The following PHF2 variants were observed in gnomAD, a reference collection of about 807,000 sequenced individuals.
PHF2 encodes PHD finger protein 2.
In PHF2, 27 loss-of-function variants were observed where a neutral mutation model predicts 120.5. The observed-to-expected ratio is 0.22, with a 90% CI of 0.17 to 0.31. The LOEUF is 0.31. Among genes scored for constraint, PHF2 ranks in the 10% least tolerant of loss-of-function variants. The pLI, the probability that PHF2 is intolerant of heterozygous loss-of-function variation, is 1.00. For synonymous variants in PHF2, 568 were observed against 592.5 expected, an observed-to-expected ratio of 0.96 and a Z score of 0.60; for missense variants, 1,024 against 1,434.8, an observed-to-expected ratio of 0.71 and a Z score of 4.63.
chr9:93,622,842 C>G (rs79329731), intron 1 of PHF2, among the ~76,000 whole-genome samples: 1 of 152,072 alleles, frequency 6.6e-6, no homozygotes, highest in Non-Finnish European at 1.5e-5. Context: ...AACTGAGCCC[C>G]GAGTCTGTCT....
rs562937390 is a variant in PHF2, at chr9:93,656,761, T to C, written c.1147+166T>C. On this transcript the variant is annotated intron_variant, in intron 9 of 21. Coordinates refer to ENST00000359246, the MANE Select transcript of PHF2 (RefSeq NM_005392.4). The surrounding 1 kb of genome is among the most constrained non-coding windows in gnomAD (Gnocchi z 4.1). ...GGGCTCAGTTTCCCCATCTGTATAA[T>C]GCAGGACTAGATTGAACAGGCTGGG... is the stretch of plus-strand genomic sequence containing the variant. 3.1e-4 allele frequency among the ~76,000 whole-genome samples: 47 copies of C among 152,222 alleles called. No individual in the cohort carries two copies. The highest frequency in any genetic ancestry group is 5.3e-4 in the Non-Finnish European group (36 of 68,012).
At chr9:93,661,268 A>G (rs1035018649) in intron 12 of PHF2, among the ~76,000 whole-genome samples, 2 of 152,134 alleles carry the variant, frequency 1.3e-5, no homozygotes, top group Admixed American at 6.5e-5. Flanking sequence ...GGAGGTCGTT[A>G]TCTGCTTCCT....
chr9:93,588,602 A>G (rs1357919968), intron 1 of PHF2, among the ~76,000 whole-genome samples: 1 of 152,062 alleles, frequency 6.6e-6, no homozygotes, highest in Non-Finnish European at 1.5e-5. Flanking sequence ...CCAGAAAAAC[A>G]CTTTATGGGC....
chr9:93,595,422 G>A (rs1825313518), intron 1 of PHF2, among the ~76,000 whole-genome samples: 1 of 152,228 alleles, frequency 6.6e-6, no homozygotes, highest in Non-Finnish European at 1.5e-5. Context: ...GCCGCTTTCA[G>A]TTGAATCTAC....
chr9:93,623,896 GA>G (rs1382075552), intron 1 of PHF2, among the ~76,000 whole-genome samples: 3 of 152,246 alleles, frequency 2.0e-5, no homozygotes, highest in African/African-American at 7.2e-5. Flanking sequence ...TAGGGCCCAA[GA>G]CCCTGGTGGC....
chr9:93,656,463 G>A lies in PHF2; in HGVS notation c.1041-26G>A. ...TCGCCTGCTTGATGGTCAGTGCACT[G>A]AGAACTGCTCTTTGGTGGCTTCTAG... is the stretch of plus-strand genomic sequence containing the variant. On this transcript the variant is annotated intron_variant, in intron 8 of 21. Coordinates refer to ENST00000359246, the MANE Select transcript of PHF2 (RefSeq NM_005392.4). The surrounding 1 kb of genome is among the most constrained non-coding windows in gnomAD (Gnocchi z 4.1). 1 of 1,535,082 alleles carries A rather than the reference G, an allele frequency of 6.5e-7. No individual in the cohort carries two copies. The highest frequency in any genetic ancestry group is 9.0e-7 in the Non-Finnish European group (1 of 1,108,656).
chr9:93,618,861 G>GTGT (rs1825774575), intron 1 of PHF2, among the ~76,000 whole-genome samples: 3 of 135,162 alleles, frequency 2.2e-5, no homozygotes, highest in East Asian at 2.5e-4. Context: ...TGTGTGTGGT[G>GTGT]TTCGTGTGTC....
At chr9:93,611,720 GC>G (rs1003800908) in intron 1 of PHF2, among the ~76,000 whole-genome samples, 1 of 151,934 alleles carries the variant, frequency 6.6e-6, no homozygotes, top group African/African-American at 2.4e-5. Flanking sequence ...TTGCAATGTT[GC>G]CCATGCTGGT....
chr9:93,669,310 C>G (rs987744034), intron 17 of PHF2, among the ~76,000 whole-genome samples: 5 of 152,370 alleles, frequency 3.3e-5, no homozygotes, highest in African/African-American at 1.2e-4. Flanking sequence ...GCTGCGTGCT[C>G]TGGCTGGCTC....
rs1336519699 is a variant in PHF2, at chr9:93,645,783, T to C, written c.454T>C (p.Tyr152His). The C allele has an allele frequency of 6.3e-7, 1 of 1,591,822 alleles. No homozygotes were observed. The highest frequency in any genetic ancestry group is 8.6e-7 in the Non-Finnish European group (1 of 1,168,142). The change falls in exon 4 of 22, where the codon TAC becomes CAC. Residue 152 changes from tyrosine (Y) to histidine (H), a missense_variant. Around this residue, in one of 2 missense-constraint regions of PHF2, gnomAD observed 347 missense variants for 577.4 expected, o/e 0.60. Transcript: ENST00000359246. ...PTFYVSDVEN[Y>H]VGPERSVDVT... ...GTTCTATGTCAGTGACGTCGAGAAC[T>C]ACGTGGGTAAGCGCCATCCCCTTCA...
chr9:93,638,637 C>T (rs1826128809), intron 3 of PHF2, among the ~76,000 whole-genome samples: 1 of 152,256 alleles, frequency 6.6e-6, no homozygotes. Flanking sequence ...TATATCTCTG[C>T]TTATGCCAGT....
At chr9:93,624,460 A>C (rs1554794431) in intron 1 of PHF2, among the ~76,000 whole-genome samples, 2 of 145,328 alleles carry the variant, frequency 1.4e-5, no homozygotes, top group Non-Finnish European at 3.0e-5. Flanking sequence ...ATAGTGGTTG[A>C]GATGATGATG....
At chr9:93,633,507 G>T (rs1156334944) in intron 2 of PHF2, among the ~76,000 whole-genome samples, 2 of 152,230 alleles carry the variant, frequency 1.3e-5, no homozygotes, top group South Asian at 2.1e-4. Flanking sequence ...CTCAGCAGTT[G>T]TCTCAGTGGG....
chr9:93,613,596 G>A (rs1328191826), intron 1 of PHF2, among the ~76,000 whole-genome samples: 1 of 139,346 alleles, frequency 7.2e-6, no homozygotes, highest in African/African-American at 2.7e-5. Flanking sequence ...GTCTCACCCT[G>A]TATCCCAGAC....
intron 1 of PHF2, among the ~76,000 whole-genome samples, chr9:93,603,386 G>A (rs1321984845): frequency 2.0e-5 from 3 of 152,136 alleles, no homozygotes; most frequent in Non-Finnish European, 2.9e-5. Context: ...GCATTGACAA[G>A]CAGTGGACAC....
At position 93,673,595 on chromosome 9, in the gene PHF2, G is replaced by A; in HGVS notation, c.2359G>A (p.Ala787Thr). 1 of 1,568,170 alleles carries A rather than the reference G, an allele frequency of 6.4e-7. No individual in the cohort carries two copies. Among genetic ancestry groups the A allele is most frequent in the South Asian group, 1.2e-5 (1 of 84,890 alleles). Reference protein sequence around the residue: ...LEYNPSSQPPASPSTQEAIQG... With the variant: ...LEYNPSSQPPTSPSTQEAIQG... ...TCTCTGTGCCCCTAGCCAGCCCCCG[G>A]CCTCCCCCAGCACACAGGAAGCCAT... is the stretch of plus-strand genomic sequence containing the variant. The change falls in exon 18 of 22, where the codon GCC becomes ACC. Residue 787 changes from alanine (A) to threonine (T), a missense_variant. Physicochemically the swap from Ala to Thr is moderately conservative, Grantham distance 58. Around this residue, in one of 2 missense-constraint regions of PHF2, gnomAD observed 677 missense variants for 857.4 expected, o/e 0.79. Coordinates refer to ENST00000359246, the MANE Select transcript of PHF2 (RefSeq NM_005392.4).
In PHF2 at chr9:93,663,509, C is replaced by CT. The variant is rs1324212812; in HGVS notation, c.1819-4dup. On this transcript the variant is annotated splice_region_variant and splice_polypyrimidine_tract_variant and intron_variant, in intron 13 of 21. Transcript: ENST00000359246. The stretch of plus-strand genomic sequence containing the variant: ...GGGCTCAGGGACGGCCCTGGTCTTG[C>CT]TTTTCAGAACAGCAAACCTGACTCC... 4 of 1,592,910 alleles carry CT rather than the reference C, an allele frequency of 2.5e-6. No individual in the cohort carries two copies. In the African/African-American group the frequency reaches 5.4e-5, roughly 21 times the overall value.
At chr9:93,615,026 TGATGATGGTGATAGTGATGATGATGGC>T (rs1395970295) in intron 1 of PHF2, among the ~76,000 whole-genome samples, 3 of 151,620 alleles carry the variant, frequency 2.0e-5, no homozygotes, top group Non-Finnish European at 2.9e-5. Flanking sequence ...ATGGTGATGG[TGATGATGGTGATAGTGATGATGATGGC>T]GATGATGGTG....
At chr9:93,669,334 G>A (rs1826739972) in intron 17 of PHF2, among the ~76,000 whole-genome samples, 5 of 152,254 alleles carry the variant, frequency 3.3e-5, no homozygotes, top group Admixed American at 3.3e-4. Context: ...AGCTGGGGCT[G>A]GGAGAGCCTG....
Sources: gnomAD v4.1 joint callset for allele counts (sites outside exome capture counted in the v4.1 genomes callset) on GRCh38, gnomAD v4.1.1 for gene constraint, gnomAD v4.1.1 regional missense constraint, Gnocchi (gnomAD v3.1) non-coding constraint, MANE v1.5 for transcripts, NCBI Gene and HGNC (gene_info 2026-07-23, HGNC 2026-07-21) for gene names.